The following CCDC62 variants were observed in gnomAD, a reference collection of about 807,000 sequenced individuals.
The protein encoded by CCDC62 is coiled-coil domain-containing protein 62.
A neutral mutation model predicts 80.8 loss-of-function variants in CCDC62; 72 were observed. That is an observed-to-expected ratio of 0.89 (90% CI 0.74 to 1.08). The LOEUF is 1.08. Among genes scored for constraint, CCDC62 ranks in the 50% least tolerant of loss-of-function variants. The pLI, the probability that CCDC62 is intolerant of heterozygous loss-of-function variation, is 0.00. For missense variants in CCDC62, 704 were observed against 809.4 expected, an observed-to-expected ratio of 0.87 and a Z score of 1.58; for synonymous variants, 286 against 296.5, an observed-to-expected ratio of 0.96 and a Z score of 0.36.
chr12:122,811,260 G>A (rs1593823646), intron 10 of CCDC62, among the ~76,000 whole-genome samples: 1 of 125,598 alleles, frequency 8.0e-6, no homozygotes, highest in Admixed American at 1.0e-4. Context: ...TGCCCAGGCT[G>A]GAGTGCAATG....
chr12:122,780,836 C>T (rs1593779635), intron 2 of CCDC62, among the ~76,000 whole-genome samples: 1 of 151,864 alleles, frequency 6.6e-6, no homozygotes, highest in Non-Finnish European at 1.5e-5. Context: ...TTATATGGTT[C>T]AAATTAAGCT....
Position 122,788,750 on chromosome 12 carries a change from G to T in CCDC62, c.499-8G>T, listed in dbSNP as rs201777046. ...TCTAGGATAACCATTTTCAAATTTG[G>T]TTTTTAGGACAAAGATATTATTGAG... is the stretch of plus-strand genomic sequence containing the variant. On this transcript the variant is annotated splice_region_variant and splice_polypyrimidine_tract_variant and intron_variant, in intron 4 of 12. Coordinates refer to ENST00000253079, the MANE Select transcript of CCDC62 (RefSeq NM_201435.5). The T allele has an allele frequency of 1.2e-4, 181 of 1,532,320 alleles. No individual in the cohort carries two copies. Among genetic ancestry groups the T allele is most frequent in the Non-Finnish European group, 1.5e-4 (176 of 1,140,456 alleles). 94.9% of individuals were successfully genotyped at this position (1,532,320 alleles called of 1,614,324 possible).
At chr12:122,815,441 A>G (rs1038188550) in intron 11 of CCDC62, among the ~76,000 whole-genome samples, 4 of 138,874 alleles carry the variant, frequency 2.9e-5, no homozygotes, top group African/African-American at 9.8e-5. Flanking sequence ...TTCCAACTTA[A>G]CAGGTTTTTT....
intron 11 of CCDC62, among the ~76,000 whole-genome samples, chr12:122,821,857 T>C (rs2032414799): frequency 6.6e-6 from 1 of 152,178 alleles, no homozygotes; most frequent in African/African-American, 2.4e-5. Flanking sequence ...GCTGTGTATC[T>C]ATCACCTCAC....
intron 1 of CCDC62, among the ~76,000 whole-genome samples, chr12:122,775,763 C>G (rs1401054844): frequency 1.3e-5 from 2 of 152,190 alleles, no homozygotes; most frequent in Non-Finnish European, 1.5e-5. Flanking sequence ...CAGGCTCCCA[C>G]CACCATGCCG....
chr12:122,801,425 T>A lies in CCDC62; in HGVS notation c.1279T>A (p.Leu427Met). The A allele has an allele frequency of 6.2e-7, 1 of 1,613,554 alleles. No homozygotes were observed. Among genetic ancestry groups the A allele is most frequent in the Non-Finnish European group, 8.5e-7 (1 of 1,179,816 alleles). The change falls in exon 9 of 13, where the codon TTG becomes ATG. Residue 427 changes from leucine (L) to methionine (M), a missense_variant. Leu to Met is a conservative substitution (Grantham distance 15). Transcript: ENST00000253079. The stretch of plus-strand genomic sequence containing the variant: ...GATTGAACCCGAAAACAAAATTACA[T>A]TGTGCAAGATCCACACAAAATCACC... The part of the protein sequence containing the change: ...TQIEPENKIT[L>M]CKIHTKSPKC...
At chr12:122,824,613 A>G (rs111269428) in intron 12 of CCDC62, among the ~76,000 whole-genome samples, 5,079 of 139,768 alleles carry the variant, frequency 0.036, 123 homozygotes, top group South Asian at 0.07. Flanking sequence ...GAGGTTATCC[A>G]TAAAGAACTA....
rs2135605428 is a variant in CCDC62, at chr12:122,826,689, A to G, written c.*308A>G. On this transcript the variant is annotated 3_prime_UTR_variant, in exon 13 of 13. Coordinates refer to ENST00000253079, the MANE Select transcript of CCDC62 (RefSeq NM_201435.5). Reference sequence around the variant, plus strand: ...TAAGAATGAAAAAGACTTCTCTGTAAAGATACGGACTACAGTTAAATGCTA... The same window carrying G: ...TAAGAATGAAAAAGACTTCTCTGTAGAGATACGGACTACAGTTAAATGCTA... The G allele has an allele frequency of 2.4e-6, 1 of 419,216 alleles. No homozygotes were observed. The highest frequency in any genetic ancestry group is 3.6e-5 in the East Asian group (1 of 27,866). The allele number at this position is 419,216 out of a possible 1,614,324, so 26.0% of individuals were successfully genotyped here.
chr12:122,774,789 C>T, intron 1 of CCDC62, 83 bp downstream of exon 1: 1 of 1,099,428 alleles, frequency 9.1e-7, no homozygotes, highest in Non-Finnish European at 1.2e-6. Context: ...AGAACGGTGT[C>T]TACTTAAAAT....
chr12:122,777,753 A>C, intron 2 of CCDC62, 70 bp downstream of exon 2: 5 of 1,425,390 alleles, frequency 3.5e-6, no homozygotes, highest in Non-Finnish European at 4.9e-6. Context: ...CTCATAGGGA[A>C]GATAGAGAGG....
At chr12:122,812,831 A>AAAC (rs1566086864) in intron 10 of CCDC62, among the ~76,000 whole-genome samples, 4 of 138,930 alleles carry the variant, frequency 2.9e-5, no homozygotes, top group African/African-American at 5.1e-5. Context: ...AAGAAAGAAA[A>AAAC]GGAATGAATT....
At chr12:122,798,515 A>C (rs531823009) in intron 8 of CCDC62, among the ~76,000 whole-genome samples, 11 of 152,276 alleles carry the variant, frequency 7.2e-5, no homozygotes, top group Admixed American at 5.2e-4. Flanking sequence ...AGGCACGAGA[A>C]TCGCTTGAAC....
chr12:122,816,816 C>A (rs2032185193), intron 11 of CCDC62, among the ~76,000 whole-genome samples: 1 of 151,656 alleles, frequency 6.6e-6, no homozygotes, highest in Admixed American at 6.6e-5. Flanking sequence ...TTTTTTAAAT[C>A]ATATTAATAA....
intron 9 of CCDC62, among the ~76,000 whole-genome samples, chr12:122,803,716 C>A (rs564743887): frequency 6.6e-6 from 1 of 152,224 alleles, no homozygotes; most frequent in East Asian, 1.9e-4. Context: ...TTTAAAAAGT[C>A]GGTCATCACG....
At chr12:122,806,393 G>A (rs576725186) in intron 10 of CCDC62, 98 bp downstream of exon 10, 3 of 889,912 alleles carry the variant, frequency 3.4e-6, no homozygotes, top group African/African-American at 3.7e-5. Context: ...GCTTATTTTG[G>A]CTATTCCTCC....
At chr12:122,801,961 G>A in intron 9 of CCDC62, 109 bp downstream of exon 9, 5 of 1,199,978 alleles carry the variant, frequency 4.2e-6, no homozygotes, top group Non-Finnish European at 5.8e-6. Flanking sequence ...CAAAAGGCAT[G>A]TTTGCTAACA....
At chr12:122,799,572 T>C (rs1344658576) in intron 8 of CCDC62, among the ~76,000 whole-genome samples, 1 of 152,208 alleles carries the variant, frequency 6.6e-6, no homozygotes, top group African/African-American at 2.4e-5. Flanking sequence ...AAAATTAAAA[T>C]ATAAACATAT....
intron 11 of CCDC62, among the ~76,000 whole-genome samples, chr12:122,820,718 G>A (rs934090815): frequency 2.6e-5 from 4 of 151,574 alleles, no homozygotes; most frequent in Admixed American, 1.3e-4. Context: ...GTGGCGTGCC[G>A]TAATCCCAGC....
intron 8 of CCDC62, among the ~76,000 whole-genome samples, chr12:122,800,417 TA>T (rs1177675359): frequency 2.5e-4 from 37 of 148,738 alleles, no homozygotes; most frequent in African/African-American, 7.4e-4. Context: ...CCTGTCTCTA[TA>T]AAAAAAAAAT....
Sources: allele counts gnomAD v4.1 joint callset (sites outside exome capture counted in the v4.1 genomes callset), GRCh38; gene constraint gnomAD v4.1.1; transcripts MANE v1.5; gene names NCBI Gene and HGNC (gene_info 2026-07-23, HGNC 2026-07-21).